IL21R: variants seen among roughly 807,000 people sequenced by gnomAD.
The protein encoded by IL21R is interleukin 21 receptor, also known as interleukin-21 receptor.
IL21R carries 14 observed loss-of-function variants against 41.3 expected under a neutral mutation model. The observed-to-expected ratio is 0.34, with a 90% CI of 0.22 to 0.53. The LOEUF (loss-of-function observed/expected upper bound fraction) is 0.53. Among genes scored for constraint, IL21R ranks in the 20% least tolerant of loss-of-function variants. The probability of loss-of-function intolerance (pLI) is 0.94; values close to 1 mark genes in which losing one functional copy is unlikely to be tolerated. For synonymous variants in IL21R, 286 were observed against 287.6 expected, an observed-to-expected ratio of 0.99 and a Z score of 0.05; for missense variants, 588 against 681.6, an observed-to-expected ratio of 0.86 and a Z score of 1.53.
chr16:27,412,951 A>G, intron 1 of IL21R, among the ~76,000 whole-genome samples: 1 of 152,102 alleles, frequency 6.6e-6, no homozygotes, highest in East Asian at 1.9e-4. Flanking sequence ...TCCAATTTAG[A>G]TACCTTTTAT....
At chr16:27,404,863 G>A (rs2086713841) in intron 1 of IL21R, among the ~76,000 whole-genome samples, 1 of 152,054 alleles carries the variant, frequency 6.6e-6, no homozygotes, top group Non-Finnish European at 1.5e-5. Context: ...TTAGGTCTGT[G>A]GTGAGGATTT....
rs748354630 is a variant in IL21R, at chr16:27,448,739, C to T, written c.1073C>T (p.Ser358Leu). Residue 358 changes from serine to leucine, a missense_variant, in exon 9 of 9, where the codon TCG becomes TTG. Transcript: ENST00000337929. The stretch of plus-strand genomic sequence containing the variant: ...AGCTTCTGGCCGACAGCCCAGAACT[C>T]GGGGGGCTCAGCTTACAGTGAGGAG... ...KPSFWPTAQN[S>L]GGSAYSEERD... The T allele has an allele frequency of 1.3e-5, 21 of 1,613,348 alleles. No homozygotes were observed. The highest frequency in any genetic ancestry group is 5.3e-5 in the African/African-American group (4 of 74,946).
chr16:27,410,648 A>C (rs1265124343), intron 1 of IL21R, among the ~76,000 whole-genome samples: 2 of 152,146 alleles, frequency 1.3e-5, no homozygotes, highest in Non-Finnish European at 2.9e-5. Context: ...TGTAGTGCAA[A>C]GTATAGTGTC....
At chr16:27,423,453 C>A (rs2087028153) in intron 1 of IL21R, among the ~76,000 whole-genome samples, 1 of 152,180 alleles carries the variant, frequency 6.6e-6, no homozygotes, top group Non-Finnish European at 1.5e-5. Context: ...ACTGTTGAGA[C>A]CCTTGAACAT....
rs367935253 is a variant in IL21R, at chr16:27,438,137, G to A, written c.352+450G>A. On this transcript the variant is annotated intron_variant, in intron 4 of 8. Transcript: ENST00000337929. ...GCTGGGACCCGGGACTTCTGGGTTCGTGTTCCGGCTCAGCTCTGCCCATCT... is the reference window on the plus strand; with the variant it reads ...GCTGGGACCCGGGACTTCTGGGTTCATGTTCCGGCTCAGCTCTGCCCATCT... Among the ~76,000 whole-genome samples, 23 of 152,142 alleles carry A rather than the reference G, an allele frequency of 1.5e-4. No individual in the cohort carries two copies. The East Asian group carries it at 1.9e-3, about 13-fold the overall frequency.
intron 1 of IL21R, among the ~76,000 whole-genome samples, chr16:27,406,115 A>G (rs1340427219): frequency 3.3e-5 from 5 of 152,266 alleles, no homozygotes; most frequent in Non-Finnish European, 7.3e-5. Flanking sequence ...AACTTTCCCC[A>G]GAATGAATCA....
intron 1 of IL21R, among the ~76,000 whole-genome samples, chr16:27,418,564 G>C (rs1040538030): frequency 6.6e-6 from 1 of 151,928 alleles, no homozygotes; most frequent in East Asian, 1.9e-4. Flanking sequence ...TAGAGACGGG[G>C]TTTCACCATG....
intron 4 of IL21R, among the ~76,000 whole-genome samples, chr16:27,442,265 C>T (rs148520172): frequency 4.5e-4 from 69 of 151,908 alleles, no homozygotes; most frequent in Admixed American, 9.8e-4. Context: ...TTTGTGTATG[C>T]GTGTGTGTAG....
At position 27,450,582 on chromosome 16, in the gene IL21R, CTT is replaced by C. The variant is rs553596346; in HGVS notation, c.*1312_*1313del. On this transcript the variant is annotated 3_prime_UTR_variant, in exon 9 of 9. Transcript: ENST00000337929. ...TATTTCTTAGCAACATTTTCTTTTTCTTTTTTTTTTTTTTCTTTTGAGACAGA... is the reference window on the plus strand; with the variant it reads ...TATTTCTTAGCAACATTTTCTTTTTCTTTTTTTTTTTTCTTTTGAGACAGA... 9.3e-4 allele frequency: 177 copies of C among 189,556 alleles called. No individual in the cohort carries two copies. Among genetic ancestry groups the C allele is most frequent in the East Asian group, 1.8e-3 (22 of 12,142 alleles). The allele number at this position is 189,556 out of a possible 1,614,324, so 11.7% of individuals were successfully genotyped here.
rs1002511090 is a variant in IL21R, at chr16:27,451,267, C to G, written c.*1984C>G. The G allele has an allele frequency of 2.2e-5, 5 of 230,222 alleles. No homozygotes were observed. The highest frequency in any genetic ancestry group is 1.1e-4 in the African/African-American group (5 of 45,166). 14.3% of individuals were successfully genotyped at this position (230,222 alleles called of 1,614,324 possible). ...AGGCTCCCAGGAAAGCAGCACAGCT[C>G]TCCTGCACCCAGAGCTTGCTGGGTG... On this transcript the variant is annotated 3_prime_UTR_variant, in exon 9 of 9. Transcript: ENST00000337929.
In IL21R at chr16:27,432,747, C is replaced by T. The variant is rs3093316; in HGVS notation, c.50-1600C>T. Among the ~76,000 whole-genome samples the T allele has an allele frequency of 3.8e-3, 582 of 152,312 alleles. 8 individuals carry two copies. Among genetic ancestry groups the T allele is most frequent in the African/African-American group, 0.013 (523 of 41,570 alleles). ...CCACCGACAAGTTCTGTGTGTCTCCCTGAGGAAAGCCCCCTCCTAGAGCAA... is the reference window on the plus strand; with the variant it reads ...CCACCGACAAGTTCTGTGTGTCTCCTTGAGGAAAGCCCCCTCCTAGAGCAA... On this transcript the variant is annotated intron_variant, in intron 2 of 8. Transcript: ENST00000337929.
intron 2 of IL21R, among the ~76,000 whole-genome samples, chr16:27,432,405 A>G (rs954654773): frequency 2.0e-5 from 3 of 152,174 alleles, no homozygotes; most frequent in Non-Finnish European, 4.4e-5. Flanking sequence ...AACCCCAGAC[A>G]TGGGATGGCC....
Position 27,450,715 on chromosome 16 carries a change from T to C in IL21R, c.*1432T>C. 4.5e-6 allele frequency: 1 copy of C among 223,250 alleles called. No individual in the cohort carries two copies. Among genetic ancestry groups the C allele is most frequent in the East Asian group, 6.5e-5 (1 of 15,470 alleles). The allele number at this position is 223,250 out of a possible 1,614,324, so 13.8% of individuals were successfully genotyped here. A position where few individuals can be genotyped will look rare whatever the true frequency, so the allele number is the denominator to read the frequency against. ...TTTCCTGCGTCAGCCCCAGAGTAGCTGGAATTACAGGCACACACCACCACG... is the reference window on the plus strand; with the variant it reads ...TTTCCTGCGTCAGCCCCAGAGTAGCCGGAATTACAGGCACACACCACCACG... On this transcript the variant is annotated 3_prime_UTR_variant, in exon 9 of 9. Coordinates refer to ENST00000337929, the MANE Select transcript of IL21R (RefSeq NM_181078.3).
Position 27,442,989 on chromosome 16 carries a change from CTG to C in IL21R, c.383_384del (p.Val128AspfsTer7). 1 of 1,603,372 alleles carries C rather than the reference CTG, an allele frequency of 6.2e-7. No individual in the cohort carries two copies. Among genetic ancestry groups the C allele is most frequent in the South Asian group, 1.1e-5 (1 of 88,972 alleles). On this transcript the variant is annotated frameshift_variant, in exon 5 of 9. Transcript: ENST00000337929. LOFTEE classifies it high-confidence loss of function. Reference sequence around the variant, plus strand: ...AAGCCGGCTCCCCCTTTCAACGTGACTGTGACCTTCTCAGGACAGTATAATAT... The same window carrying C: ...AAGCCGGCTCCCCCTTTCAACGTGACTGACCTTCTCAGGACAGTATAATAT...
In IL21R at chr16:27,419,386, C is replaced by T. The variant is rs116538783; in HGVS notation, c.-16-10670C>T. On this transcript the variant is annotated intron_variant, in intron 1 of 8. Coordinates refer to ENST00000337929, the MANE Select transcript of IL21R (RefSeq NM_181078.3). ...CTCCTATGATAATGATGCCTTCTTC[C>T]GGAATCCATCCTGAAGGACCTGCCT... Among the ~76,000 whole-genome samples the T allele has an allele frequency of 6.2e-3, 948 of 152,226 alleles. 9 individuals are homozygous for T. The highest frequency in any genetic ancestry group is 0.019 in the African/African-American group (782 of 41,548).
intron 1 of IL21R, among the ~76,000 whole-genome samples, chr16:27,410,606 C>T (rs58579343): frequency 0.28 from 42,516 of 152,064 alleles, 6,604 homozygotes; most frequent in East Asian, 0.62. Flanking sequence ...TTTATGGATC[C>T]TTTCCTTTGC....
chr16:27,417,583 G>A (rs535062913), intron 1 of IL21R, among the ~76,000 whole-genome samples: 6 of 152,304 alleles, frequency 3.9e-5, no homozygotes, highest in African/African-American at 1.4e-4. Flanking sequence ...TTTTGTCATT[G>A]TGTGAACGTC....
chr16:27,411,453 CCTTTT>C (rs2086820145), intron 1 of IL21R, among the ~76,000 whole-genome samples: 1 of 109,460 alleles, frequency 9.1e-6, no homozygotes, highest in Non-Finnish European at 1.8e-5. Context: ...TGTCCTTTGT[CCTTTT>C]TTTTTTTTTT....
chr16:27,436,083 G>A (rs2087264321), intron 3 of IL21R, among the ~76,000 whole-genome samples: 1 of 152,198 alleles, frequency 6.6e-6, no homozygotes, highest in East Asian at 1.9e-4. Flanking sequence ...GGAGCCCGCA[G>A]GGTTGGTCTA....
Sources: allele counts gnomAD v4.1 joint callset (sites outside exome capture counted in the v4.1 genomes callset), GRCh38; gene constraint gnomAD v4.1.1; transcripts MANE v1.5; gene names NCBI Gene and HGNC (gene_info 2026-07-23, HGNC 2026-07-21).